The following HMGCLL1 variants were observed in gnomAD, a reference collection of about 807,000 sequenced individuals.
HMGCLL1 encodes the protein 3-hydroxymethyl-3-methylglutaryl-CoA lyase, cytoplasmic.
Under a neutral mutation model 39.1 loss-of-function variants are expected in HMGCLL1, and 36 were observed. The ratio of observed to expected loss-of-function variants is 0.92; its 90% CI spans 0.71 to 1.22. The LOEUF (loss-of-function observed/expected upper bound fraction) is 1.22, where lower values mean the gene tolerates loss of function less well. Ranked by LOEUF, HMGCLL1 falls within the 50% of genes most tolerant of loss-of-function variation. The probability of loss-of-function intolerance (pLI) is 0.00; values close to 1 mark genes in which losing one functional copy is unlikely to be tolerated. For missense variants in HMGCLL1, 451 were observed against 416.5 expected (o/e 1.08, Z -0.72); for synonymous variants, 149 against 144.0 (o/e 1.03, Z -0.25).
the HMGCLL1 span, among the ~76,000 whole-genome samples, chr6:55,617,678 G>A: frequency 6.6e-6 from 1 of 152,204 alleles, no homozygotes; most frequent in African/African-American, 2.4e-5. Flanking sequence ...CGCTGCTGGT[G>A]GAATTGTAAA....
chr6:55,481,177 T>G (rs1215958516), intron 7 of HMGCLL1, among the ~76,000 whole-genome samples: 3 of 151,910 alleles, frequency 2.0e-5, no homozygotes, highest in African/African-American at 7.3e-5. Flanking sequence ...GCCCAGAAAT[T>G]CAAGACCAGC....
chr6:55,618,142 T>C, the HMGCLL1 span, among the ~76,000 whole-genome samples: 1 of 151,918 alleles, frequency 6.6e-6, no homozygotes, highest in South Asian at 2.1e-4. Context: ...GTAATTATAA[T>C]AAAAATCAGG....
chr6:55,580,217 T>C (rs1337906311), upstream of HMGCLL1, among the ~76,000 whole-genome samples: 3 of 151,348 alleles, frequency 2.0e-5, no homozygotes, highest in Non-Finnish European at 4.4e-5. Flanking sequence ...TGGGTGGGGG[T>C]TTGGGGGGTG....
the HMGCLL1 span, among the ~76,000 whole-genome samples, chr6:55,606,215 T>C: frequency 1.3e-5 from 2 of 152,112 alleles, no homozygotes; most frequent in East Asian, 1.9e-4. Context: ...ATAAAAAAAT[T>C]TGGTGAAAGG....
intron 1 of HMGCLL1, among the ~76,000 whole-genome samples, chr6:55,549,407 T>C (rs1770191582): frequency 6.6e-6 from 1 of 151,076 alleles, no homozygotes; most frequent in Non-Finnish European, 1.5e-5. Context: ...TGTGTGTGTG[T>C]CTGTGTGTAT....
chr6:55,460,473 G>A (rs991174134), intron 7 of HMGCLL1, among the ~76,000 whole-genome samples: 9 of 151,604 alleles, frequency 5.9e-5, no homozygotes, highest in East Asian at 3.9e-4. Context: ...TTTATCAGCC[G>A]CATCTTTATA....
chr6:55,601,111 G>A, the HMGCLL1 span, among the ~76,000 whole-genome samples: 2 of 152,006 alleles, frequency 1.3e-5, no homozygotes, highest in Admixed American at 1.3e-4. Flanking sequence ...ATTAAATATA[G>A]CAATCCTGAT....
At chr6:55,674,734 A>G in the HMGCLL1 span, among the ~76,000 whole-genome samples, 274 of 152,236 alleles carry the variant, frequency 1.8e-3, 1 homozygote, top group Non-Finnish European at 2.8e-3. Context: ...CTGTGAGGAA[A>G]AATTCAGGGC....
At chr6:55,514,396 C>T (rs1361803680) in intron 4 of HMGCLL1, among the ~76,000 whole-genome samples, 200 bp from the exon 5 acceptor site, 1 of 152,156 alleles carries the variant, frequency 6.6e-6, no homozygotes. Context: ...GAATAATCCA[C>T]AAACTGCAAT....
the HMGCLL1 span, among the ~76,000 whole-genome samples, chr6:55,650,128 T>TA: frequency 1.9e-5 from 1 of 53,708 alleles, no homozygotes; most frequent in African/African-American, 7.7e-5. Flanking sequence ...TATATATATA[T>TA]ATATATACAC....
intron 1 of HMGCLL1, among the ~76,000 whole-genome samples, chr6:55,561,482 C>T (rs778039902): frequency 2.6e-5 from 4 of 152,060 alleles, no homozygotes; most frequent in Non-Finnish European, 4.4e-5. Context: ...CCTGTTAAAG[C>T]CATTTCCTGG....
the HMGCLL1 span, among the ~76,000 whole-genome samples, chr6:55,671,126 T>C: frequency 6.6e-6 from 1 of 151,876 alleles, no homozygotes; most frequent in African/African-American, 2.4e-5. Flanking sequence ...CTTGACCTTT[T>C]GCCTTTGTAT....
chr6:55,652,390 G>A, the HMGCLL1 span, among the ~76,000 whole-genome samples: 2 of 151,940 alleles, frequency 1.3e-5, no homozygotes, highest in South Asian at 2.1e-4. Context: ...GATTTTGAAT[G>A]TGTAATGTCT....
intron 7 of HMGCLL1, among the ~76,000 whole-genome samples, chr6:55,488,834 T>C (rs1217824318): frequency 1.3e-5 from 2 of 152,080 alleles, no homozygotes; most frequent in Non-Finnish European, 2.9e-5. Context: ...ATTACTTCTA[T>C]TTAGTCTAAA....
chr6:55,504,314 C>T (rs750774971), intron 5 of HMGCLL1, among the ~76,000 whole-genome samples: 1 of 151,532 alleles, frequency 6.6e-6, no homozygotes. Flanking sequence ...GTACTGGTAC[C>T]TTCTTTATGA....
chr6:55,633,151 C>G, the HMGCLL1 span, among the ~76,000 whole-genome samples: 1 of 152,068 alleles, frequency 6.6e-6, no homozygotes, highest in African/African-American at 2.4e-5. Context: ...CTAGCCCACA[C>G]CAGCCTCAAG....
chr6:55,488,323 A>G (rs1561912491), intron 7 of HMGCLL1, among the ~76,000 whole-genome samples: 1 of 152,080 alleles, frequency 6.6e-6, no homozygotes, highest in Non-Finnish European at 1.5e-5. Flanking sequence ...TTTAAAAGTT[A>G]AGTCAGTACA....
At chr6:55,654,591 A>G in the HMGCLL1 span, among the ~76,000 whole-genome samples, 1 of 151,878 alleles carries the variant, frequency 6.6e-6, no homozygotes, top group Non-Finnish European at 1.5e-5. Flanking sequence ...ACCATTGAAG[A>G]TGATATATTC....
In HMGCLL1 at chr6:55,495,460, T is replaced by A. The variant is rs1043021856; in HGVS notation, c.754A>T (p.Thr252Ser). ...ATATTTGCTAAGGCTTGTCCGTATGTGTCATGACAGTGAACAGCAAGAGCA... is the reference window on the plus strand; with the variant it reads ...ATATTTGCTAAGGCTTGTCCGTATGAGTCATGACAGTGAACAGCAAGAGCA... The part of the protein sequence containing the change: ...PGALAVHCHD[T>S]YGQALANILT... The change falls in exon 7 of 9, where the codon ACA becomes TCA. Residue 252 changes from threonine to serine, a missense_variant. Physicochemically the swap from Thr to Ser is moderately conservative, Grantham distance 58. Coordinates refer to ENST00000274901, the MANE Select transcript of HMGCLL1 (RefSeq NM_001042406.2). 7 of 1,614,060 alleles carry A rather than the reference T, an allele frequency of 4.3e-6. No homozygotes were observed. Among genetic ancestry groups the A allele is most frequent in the Non-Finnish European group, 5.1e-6 (6 of 1,179,964 alleles).
Sources: gnomAD v4.1 joint callset for allele counts (sites outside exome capture counted in the v4.1 genomes callset) on GRCh38, gnomAD v4.1.1 for gene constraint, MANE v1.5 for transcripts, NCBI Gene and HGNC (gene_info 2026-07-23, HGNC 2026-07-21) for gene names.